SYT17: variants seen among roughly 807,000 people sequenced by gnomAD.
The protein encoded by SYT17 is synaptotagmin-17.
A neutral mutation model predicts 46.7 loss-of-function variants in SYT17; 22 were observed. The observed-to-expected ratio is 0.47, with a 90% CI of 0.34 to 0.67. SYT17 has a LOEUF of 0.67. SYT17 is among the 30% of genes least tolerant of loss of function. The probability of loss-of-function intolerance (pLI) is 0.01; values close to 1 mark genes in which losing one functional copy is unlikely to be tolerated. For synonymous variants in SYT17, 251 were observed against 248.4 expected, an observed-to-expected ratio of 1.01 and a Z score of -0.10; for missense variants, 519 against 612.8, an observed-to-expected ratio of 0.85 and a Z score of 1.62.
chr16:19,246,002 T>C (rs1432764233), intron 7 of SYT17, among the ~76,000 whole-genome samples: 1 of 151,938 alleles, frequency 6.6e-6, no homozygotes, highest in African/African-American at 2.4e-5. Flanking sequence ...ATTTTGTATA[T>C]TATTTATTTA....
intron 5 of SYT17, among the ~76,000 whole-genome samples, chr16:19,202,517 G>C (rs1965506132): frequency 6.6e-6 from 1 of 152,158 alleles, no homozygotes; most frequent in East Asian, 1.9e-4. Flanking sequence ...GGTTTATATG[G>C]AGATACCATT....
chr16:19,248,381 A>G (rs1967746627), intron 7 of SYT17, among the ~76,000 whole-genome samples: 1 of 152,222 alleles, frequency 6.6e-6, no homozygotes, highest in Non-Finnish European at 1.5e-5. Context: ...TATTTACCCA[A>G]GAGAAACAAA....
At chr16:19,233,102 A>G (rs6497337) in intron 7 of SYT17, among the ~76,000 whole-genome samples, 113,569 of 152,010 alleles carry the variant, frequency 0.75, 43,505 homozygotes, top group East Asian at 0.99. Flanking sequence ...CTACTGTTCC[A>G]CCTCCCTCTC....
In SYT17 at chr16:19,264,451, G is replaced by T. The variant is rs193207793; in HGVS notation, c.1229-2429G>T. Among the ~76,000 whole-genome samples, 11 of 152,192 alleles carry T rather than the reference G, an allele frequency of 7.2e-5. No homozygotes were observed. In the East Asian group the frequency reaches 1.9e-3, roughly 27 times the overall value. The stretch of plus-strand genomic sequence containing the variant: ...TCCATTTGTGCAGAAAATTCTATGG[G>T]ATCAATTCCTAGAAGTGAAATTGCT... On this transcript the variant is annotated intron_variant, in intron 7 of 7. Coordinates refer to ENST00000355377, the MANE Select transcript of SYT17 (RefSeq NM_016524.4).
chr16:19,245,935 A>G (rs576964531), intron 7 of SYT17, among the ~76,000 whole-genome samples: 5 of 152,246 alleles, frequency 3.3e-5, no homozygotes, highest in African/African-American at 1.2e-4. Context: ...GTATGTATAT[A>G]TGTGCATATA....
At chr16:19,174,370 T>C (rs1265001691) in intron 3 of SYT17, among the ~76,000 whole-genome samples, 2 of 152,044 alleles carry the variant, frequency 1.3e-5, no homozygotes, top group African/African-American at 4.8e-5. Flanking sequence ...GATCAAGAAG[T>C]CATCAAGTGA....
In SYT17 at chr16:19,268,007, A is replaced by AT. The variant is rs2143005857; in HGVS notation, c.*937dup. On this transcript the variant is annotated 3_prime_UTR_variant, in exon 8 of 8. Coordinates refer to ENST00000355377, the MANE Select transcript of SYT17 (RefSeq NM_016524.4). ...TAGGATATGATAGAGCAAAAGTAAC[A>AT]TTTTTTGACCGAATCATGGTGATTG... The AT allele has an allele frequency of 6.6e-6, 1 of 151,760 alleles. No individual in the cohort carries two copies. Among genetic ancestry groups the AT allele is most frequent in the South Asian group, 2.1e-4 (1 of 4,794 alleles). 9.4% of individuals were successfully genotyped at this position (151,760 alleles called of 1,614,324 possible). A position where few individuals can be genotyped will look rare whatever the true frequency, so the allele number is the denominator to read the frequency against.
chr16:19,249,523 T>A (rs886071076), intron 7 of SYT17, among the ~76,000 whole-genome samples: 1 of 152,214 alleles, frequency 6.6e-6, no homozygotes, highest in Non-Finnish European at 1.5e-5. Flanking sequence ...GGATGGATTT[T>A]ATTCTGTGTA....
At chr16:19,228,927 A>G (rs766792171) in intron 7 of SYT17, among the ~76,000 whole-genome samples, 21 of 152,240 alleles carry the variant, frequency 1.4e-4, no homozygotes, top group Non-Finnish European at 2.6e-4. Context: ...AAAAGCCTGT[A>G]ATTAGCTGGT....
chr16:19,243,262 CTGT>C, intron 7 of SYT17, among the ~76,000 whole-genome samples: 1 of 152,274 alleles, frequency 6.6e-6, no homozygotes. Flanking sequence ...TCTTTGGGGC[CTGT>C]TGTTCACTTT....
In SYT17 at chr16:19,267,711, T is replaced by C. The variant is rs1453584207; in HGVS notation, c.*635T>C. 6.6e-6 allele frequency: 1 copy of C among 152,248 alleles called. No individual in the cohort carries two copies. The highest frequency in any genetic ancestry group is 1.5e-5 in the Non-Finnish European group (1 of 68,064). 9.4% of individuals were successfully genotyped at this position (152,248 alleles called of 1,614,324 possible). A position where few individuals can be genotyped will look rare whatever the true frequency, so the allele number is the denominator to read the frequency against. On this transcript the variant is annotated 3_prime_UTR_variant, in exon 8 of 8. Transcript: ENST00000355377. Reference sequence around the variant, plus strand: ...AGCCTTTCCTGGCTTAACAGAATTGTTCTTGTGTTAGCTCATCCCAGGGAA... The same window carrying C: ...AGCCTTTCCTGGCTTAACAGAATTGCTCTTGTGTTAGCTCATCCCAGGGAA...
chr16:19,179,707 T>C (rs78388699), intron 3 of SYT17, among the ~76,000 whole-genome samples: 8,561 of 152,292 alleles, frequency 0.056, 371 homozygotes, highest in East Asian at 0.21. Flanking sequence ...CAGCCAGGGT[T>C]CAGCCCCAGC....
In SYT17 at chr16:19,168,838, A is replaced by G. The variant is rs1040904427; in HGVS notation, c.15+177A>G. 1.3e-5 allele frequency among the ~76,000 whole-genome samples: 2 copies of G among 151,772 alleles called. No homozygotes were observed. Among genetic ancestry groups the G allele is most frequent in the African/African-American group, 4.8e-5 (2 of 41,316 alleles). On this transcript the variant is annotated intron_variant, in intron 1 of 7. Transcript: ENST00000355377. The surrounding 1 kb of genome is among the most constrained non-coding windows in gnomAD (Gnocchi z 6.9). ...CAACAGGGGTGCGCCCCGGGAGGAG[A>G]GACTGGGGACCCCCAAACCCCGGGA...
chr16:19,204,507 G>A (rs1257788986), intron 5 of SYT17, among the ~76,000 whole-genome samples: 1 of 152,076 alleles, frequency 6.6e-6, no homozygotes. Flanking sequence ...AGTGAGACAG[G>A]AGGAGCAGGT....
intron 7 of SYT17, chr16:19,249,900 C>T (rs1191407651): frequency 1.3e-6 from 2 of 1,532,420 alleles, no homozygotes; most frequent in South Asian, 2.4e-5. Flanking sequence ...TGCTCACTCC[C>T]TTGTCCCCAG....
chr16:19,186,441 G>A lies in SYT17; in HGVS notation c.951+2294G>A, dbSNP rs544293362. Among the ~76,000 whole-genome samples, 8 of 152,246 alleles carry A rather than the reference G, an allele frequency of 5.3e-5. No homozygotes were observed. In the South Asian group the frequency reaches 1.5e-3, roughly 28 times the overall value. ...TGAGGCTGCAGTGAGCTATGATTGC[G>A]CCGATGCACTCCAGCCTGGTCAATA... On this transcript the variant is annotated intron_variant, in intron 5 of 7. Transcript: ENST00000355377.
intron 7 of SYT17, among the ~76,000 whole-genome samples, chr16:19,227,094 C>G (rs1374414380): frequency 6.6e-6 from 1 of 152,114 alleles, no homozygotes; most frequent in East Asian, 1.9e-4. Flanking sequence ...GATAACAATA[C>G]AGGACACTTC....
chr16:19,252,807 G>A (rs999696474), intron 7 of SYT17, among the ~76,000 whole-genome samples: 5 of 151,816 alleles, frequency 3.3e-5, no homozygotes, highest in Admixed American at 6.6e-5. Context: ...CACCTCCAGA[G>A]ACTGTGTCAA....
Position 19,184,137 on chromosome 16 carries a change from C to T in SYT17, c.941C>T (p.Pro314Leu), listed in dbSNP as rs1964682328. The T allele has an allele frequency of 1.9e-6, 3 of 1,613,290 alleles. No homozygotes were observed. Among genetic ancestry groups the T allele is most frequent in the Non-Finnish European group, 2.5e-6 (3 of 1,179,440 alleles). Reference protein sequence around the residue: ...KGGHWWKALIPSSQNEVELGE... With the variant: ...KGGHWWKALILSSQNEVELGE... ...GGGCACTGGTGGAAGGCGCTGATTC[C>T]CAGTTCTCAGGTAAGGGATGGGTTT... The change falls in exon 5 of 8, where the codon CCC (proline) becomes CTC (leucine). Residue 314 changes from proline to leucine, a missense_variant. Physicochemically the swap from Pro to Leu is moderately conservative, Grantham distance 98. Coordinates refer to ENST00000355377, the MANE Select transcript of SYT17 (RefSeq NM_016524.4).
Sources: gnomAD v4.1 joint callset for allele counts (sites outside exome capture counted in the v4.1 genomes callset) on GRCh38, gnomAD v4.1.1 for gene constraint, Gnocchi (gnomAD v3.1) non-coding constraint, MANE v1.5 for transcripts, NCBI Gene and HGNC (gene_info 2026-07-23, HGNC 2026-07-21) for gene names.